The following ADIPOR1 variants were observed in gnomAD, a reference collection of about 807,000 sequenced individuals.
The protein encoded by ADIPOR1 is adiponectin receptor protein 1.
In ADIPOR1, 15 loss-of-function variants were observed where a neutral mutation model predicts 37.5. The ratio of observed to expected loss-of-function variants is 0.40; its 90% CI spans 0.27 to 0.62. The LOEUF (loss-of-function observed/expected upper bound fraction) is 0.62. Among genes scored for constraint, ADIPOR1 ranks in the 20% least tolerant of loss-of-function variants. ADIPOR1 has a pLI of 0.42. For synonymous variants in ADIPOR1, 173 were observed against 173.2 expected (o/e 1.00, Z 0.01); for missense variants, 286 against 478.0 (o/e 0.60, Z 3.75).
At chr1:202,953,404 C>T (rs1290463177) in intron 1 of ADIPOR1, among the ~76,000 whole-genome samples, 2 of 151,972 alleles carry the variant, frequency 1.3e-5, no homozygotes, top group African/African-American at 4.8e-5. Flanking sequence ...CAAAACAAAA[C>T]AAAACAAAAT....
At chr1:202,946,290 G>C in intron 4 of ADIPOR1, 149 bp downstream of exon 4, 1 of 909,622 alleles carries the variant, frequency 1.1e-6, no homozygotes, top group Non-Finnish European at 1.6e-6. Context: ...AGTGATCAAG[G>C]GTCAACCAAG....
chr1:202,951,079 T>G lies in ADIPOR1; in HGVS notation c.-9A>C. On this transcript the variant is annotated 5_prime_UTR_variant, in exon 2 of 8. Transcript: ENST00000340990. ...CCTTTGTGGGAAGACATCTGGCTGG[T>G]ACCTCAATACCCTGCAGCTTCAGCT... is the stretch of plus-strand genomic sequence containing the variant. 1 of 1,614,066 alleles carries G rather than the reference T, an allele frequency of 6.2e-7. No individual in the cohort carries two copies. The highest frequency in any genetic ancestry group is 1.1e-5 in the South Asian group (1 of 91,082).
chr1:202,943,655 G>T, intron 6 of ADIPOR1, 103 bp downstream of exon 6: 2 of 1,291,384 alleles, frequency 1.5e-6, no homozygotes, highest in Non-Finnish European at 2.1e-6. Flanking sequence ...ATCAGGGTTT[G>T]GGTGGGGTTC....
chr1:202,944,878 A>G (rs1558010880), intron 5 of ADIPOR1, 105 bp downstream of exon 5: 7 of 1,141,146 alleles, frequency 6.1e-6, no homozygotes, highest in Non-Finnish European at 4.9e-6. Context: ...TGGCATATCA[A>G]GAAACCTTTA....
Position 202,941,120 on chromosome 1 carries a change from A to G in ADIPOR1, c.*453T>C, listed in dbSNP as rs896631477. On this transcript the variant is annotated 3_prime_UTR_variant, in exon 8 of 8. Coordinates refer to ENST00000340990, the MANE Select transcript of ADIPOR1 (RefSeq NM_015999.6). ...CCCTAGAAAGATGGGACCAGGGTAT[A>G]TAATTGTTTTTGAAAAGTGTGCTAC... is the stretch of plus-strand genomic sequence containing the variant. 11 of 153,280 alleles carry G rather than the reference A, an allele frequency of 7.2e-5. No homozygotes were observed. The highest frequency in any genetic ancestry group is 2.7e-4 in the African/African-American group (11 of 41,458). 9.5% of individuals were successfully genotyped at this position (153,280 alleles called of 1,614,324 possible). A position where few individuals can be genotyped will look rare whatever the true frequency, so the allele number is the denominator to read the frequency against.
At chr1:202,951,786 T>A (rs1186894202) in intron 1 of ADIPOR1, among the ~76,000 whole-genome samples, 1 of 152,210 alleles carries the variant, frequency 6.6e-6, no homozygotes, top group Admixed American at 6.5e-5. Flanking sequence ...AACCCTGGGA[T>A]AACAAGCTTT....
chr1:202,949,458 T>G (rs1654472189), intron 2 of ADIPOR1, among the ~76,000 whole-genome samples: 1 of 151,402 alleles, frequency 6.6e-6, no homozygotes, highest in African/African-American at 2.4e-5. Flanking sequence ...CGGGCACCTG[T>G]AGTCCCAGCT....
At chr1:202,943,652 T>G in intron 6 of ADIPOR1, 106 bp downstream of exon 6, 2 of 1,264,128 alleles carry the variant, frequency 1.6e-6, no homozygotes, top group Non-Finnish European at 2.2e-6. Context: ...CAAATCAGGG[T>G]TTGGGTGGGG....
At chr1:202,954,639 TC>T (rs1654707210) in intron 1 of ADIPOR1, among the ~76,000 whole-genome samples, 1 of 152,228 alleles carries the variant, frequency 6.6e-6, no homozygotes, top group Non-Finnish European at 1.5e-5. Context: ...TGAGATTTCT[TC>T]AACTCAAGCT....
chr1:202,956,597 G>A (rs1654793445), intron 1 of ADIPOR1, among the ~76,000 whole-genome samples: 1 of 152,188 alleles, frequency 6.6e-6, no homozygotes, highest in Non-Finnish European at 1.5e-5. Flanking sequence ...TGCAACTTTA[G>A]TTGAAGTGAT....
At position 202,953,251 on chromosome 1, in the gene ADIPOR1, AC is replaced by A. The variant is rs780058683; in HGVS notation, c.-94-2088del. 6.9e-5 allele frequency among the ~76,000 whole-genome samples: 10 copies of A among 145,482 alleles called. No individual in the cohort carries two copies. In the East Asian group the frequency reaches 1.0e-3, roughly 14 times the overall value. On this transcript the variant is annotated intron_variant, in intron 1 of 7. Transcript: ENST00000340990. ...TTATATCGCAAGCAAAAAAAAAAAAACCAAAAAACAACTTTATATCACAAGC... is the reference window on the plus strand; with the variant it reads ...TTATATCGCAAGCAAAAAAAAAAAAACAAAAAACAACTTTATATCACAAGC...
chr1:202,948,866 A>G (rs1201179757), intron 2 of ADIPOR1, among the ~76,000 whole-genome samples: 3 of 150,742 alleles, frequency 2.0e-5, no homozygotes. Flanking sequence ...ATCTCTGTTC[A>G]CTGCAACCTC....
intron 7 of ADIPOR1, 44 bp downstream of exon 7, chr1:202,941,981 G>C (rs1178914524): frequency 5.1e-6 from 8 of 1,569,124 alleles, no homozygotes; most frequent in South Asian, 4.8e-5. Context: ...ACTTTGGGCT[G>C]TTCACTCACC....
chr1:202,953,249 A>C (rs1654649670), intron 1 of ADIPOR1, among the ~76,000 whole-genome samples: 1 of 152,118 alleles, frequency 6.6e-6, no homozygotes. Flanking sequence ...AAAAAAAAAA[A>C]AACCAAAAAA....
chr1:202,956,039 G>A (rs562179978), intron 1 of ADIPOR1, among the ~76,000 whole-genome samples: 1 of 152,360 alleles, frequency 6.6e-6, no homozygotes, highest in East Asian at 1.9e-4. Flanking sequence ...GCCTCCCAAA[G>A]TGTTGGGATT....
At chr1:202,957,860 G>A (rs1299992550) in intron 1 of ADIPOR1, among the ~76,000 whole-genome samples, 2 of 152,194 alleles carry the variant, frequency 1.3e-5, no homozygotes, top group African/African-American at 4.8e-5. Context: ...GTCCCGATCT[G>A]GGGAACCCAT....
intron 2 of ADIPOR1, among the ~76,000 whole-genome samples, chr1:202,949,029 G>C (rs375275402): frequency 6.6e-6 from 1 of 151,156 alleles, no homozygotes; most frequent in Admixed American, 6.6e-5. Context: ...GACCTCACGT[G>C]ATCCTCCTGC....
chr1:202,950,906 AT>A, intron 2 of ADIPOR1, 23 bp downstream of exon 2: 1 of 1,613,912 alleles, frequency 6.2e-7, no homozygotes, highest in Non-Finnish European at 8.5e-7. Flanking sequence ...GAACAAGGGG[AT>A]GACTCCTGGG....
chr1:202,957,998 A>G (rs1177287783), intron 1 of ADIPOR1, among the ~76,000 whole-genome samples, 187 bp downstream of exon 1: 1 of 152,100 alleles, frequency 6.6e-6, no homozygotes, highest in Non-Finnish European at 1.5e-5. Flanking sequence ...AGGGGCCGGA[A>G]ATGTTTACAA....
Sources: gnomAD v4.1 joint callset for allele counts (sites outside exome capture counted in the v4.1 genomes callset) on GRCh38, gnomAD v4.1.1 for gene constraint, MANE v1.5 for transcripts, NCBI Gene and HGNC (gene_info 2026-07-23, HGNC 2026-07-21) for gene names.